Variants in EPB42 observed in about 807,000 individuals in gnomAD.
EPB42 encodes the protein protein 4.2.
Under a neutral mutation model 76.9 loss-of-function variants are expected in EPB42, and 49 were observed. The ratio of observed to expected loss-of-function variants is 0.64; its 90% CI spans 0.51 to 0.81. The LOEUF is 0.81. EPB42 is among the 30% of genes least tolerant of loss of function. The probability of loss-of-function intolerance (pLI) is 0.00; values close to 1 mark genes in which losing one functional copy is unlikely to be tolerated. For synonymous variants in EPB42, 310 were observed against 338.4 expected, an observed-to-expected ratio of 0.92 and a Z score of 0.92; for missense variants, 731 against 867.6, an observed-to-expected ratio of 0.84 and a Z score of 1.98.
chr15:43,220,107 G>A (rs1430998208), intron 1 of EPB42, among the ~76,000 whole-genome samples: 1 of 152,046 alleles, frequency 6.6e-6, no homozygotes, highest in Non-Finnish European at 1.5e-5. Context: ...GGGCAGGGGA[G>A]TGAGGCAGTT....
intron 4 of EPB42, 91 bp downstream of exon 4, chr15:43,211,325 G>A: frequency 1.1e-5 from 9 of 847,964 alleles, no homozygotes; most frequent in South Asian, 1.1e-4. Flanking sequence ...CATGACCAGG[G>A]GTTTTTGGAC....
intron 3 of EPB42, 75 bp downstream of exon 3, chr15:43,215,020 C>T (rs1280097459): frequency 1.5e-6 from 2 of 1,317,914 alleles, no homozygotes; most frequent in Middle Eastern, 2.5e-4. Flanking sequence ...TGCAGGTGCT[C>T]CCTGCCAGAG....
chr15:43,212,240 G>A lies in EPB42; in HGVS notation c.431-706C>T, dbSNP rs147626506. ...AAAAATTAGGTGGGTGTGGTGGCACGTGCTTGTAGTTCCAGCTACTTGGGA... is the reference window on the plus strand; with the variant it reads ...AAAAATTAGGTGGGTGTGGTGGCACATGCTTGTAGTTCCAGCTACTTGGGA... On this transcript the variant is annotated intron_variant, in intron 3 of 12. Transcript: ENST00000441366. Among the ~76,000 whole-genome samples, 244 of 152,014 alleles carry A rather than the reference G, an allele frequency of 1.6e-3. 3 individuals are homozygous for A. The East Asian group carries it at 0.034, about 21-fold the overall frequency.
In EPB42 at chr15:43,216,456, G is replaced by C; in HGVS notation, c.11-3C>G. 5 of 1,614,100 alleles carry C rather than the reference G, an allele frequency of 3.1e-6. No individual in the cohort carries two copies. The highest frequency in any genetic ancestry group is 4.2e-6 in the Non-Finnish European group (5 of 1,180,030). On this transcript the variant is annotated splice_region_variant and splice_polypyrimidine_tract_variant and intron_variant, in intron 1 of 12. Transcript: ENST00000441366. ...GTCACAGCTCTTGATACCCAGGGCT[G>C]TTGTGGGAAAGAGAGAAGTCACGGA... is the stretch of plus-strand genomic sequence containing the variant.
chr15:43,209,709 G>A, intron 5 of EPB42: 1 of 461,652 alleles, frequency 2.2e-6, no homozygotes, highest in Non-Finnish European at 3.8e-6. Flanking sequence ...CATTAGAGCT[G>A]CCCTTCCTTG....
At position 43,201,226 on chromosome 15, in the gene EPB42, G is replaced by A. The variant is rs532087713; in HGVS notation, c.1913+618C>T. Among the ~76,000 whole-genome samples, 14 of 152,338 alleles carry A rather than the reference G, an allele frequency of 9.2e-5. No homozygotes were observed. The East Asian group carries it at 2.7e-3, about 29-fold the overall frequency. On this transcript the variant is annotated intron_variant, in intron 12 of 12. Coordinates refer to ENST00000441366, the MANE Select transcript of EPB42 (RefSeq NM_001114134.2). ...TCTGGGTGCCCATCTCTGTGGAGTG[G>A]AGTGGTAGAAAGTGGTGGGTGTACA...
intron 6 of EPB42, 50 bp from the exon 7 acceptor site, chr15:43,208,825 G>A: frequency 6.3e-7 from 1 of 1,593,350 alleles, no homozygotes; most frequent in Non-Finnish European, 8.6e-7. Context: ...GACCGGGCTG[G>A]GGGCGTGTGG....
intron 5 of EPB42, 188 bp from the exon 6 acceptor site, chr15:43,209,639 G>A: frequency 1.6e-6 from 1 of 630,870 alleles, no homozygotes; most frequent in Non-Finnish European, 2.7e-6. Context: ...CATAGCTCTA[G>A]GGCTGGAGCC....
chr15:43,208,497 C>T (rs1242454814), intron 7 of EPB42, 140 bp downstream of exon 7: 2 of 1,454,020 alleles, frequency 1.4e-6, no homozygotes, highest in African/African-American at 1.4e-5. Context: ...CCATCACTGA[C>T]CATCAGCGCC....
At chr15:43,204,381 C>T (rs1276686841) in intron 10 of EPB42, among the ~76,000 whole-genome samples, 2 of 152,044 alleles carry the variant, frequency 1.3e-5, no homozygotes, top group Non-Finnish European at 2.9e-5. Flanking sequence ...ACTCACTGAC[C>T]TCTCCCCACT....
Position 43,207,415 on chromosome 15 carries a change from C to A in EPB42, c.1102G>T (p.Val368Phe), listed in dbSNP as rs1333626443. ...GVLGSCDLVP[V>F]RAVKEGTLGL... Reference sequence around the variant, plus strand: ...AGCGTCCCCTCCTTGACTGCTCTGACCGGCACCAGATCACAGGACCCCAGG... The same window carrying A: ...AGCGTCCCCTCCTTGACTGCTCTGAACGGCACCAGATCACAGGACCCCAGG... Residue 368 changes from valine to phenylalanine, a missense_variant, in exon 9 of 13, where the codon GTC becomes TTC. Transcript: ENST00000441366. 1.2e-6 allele frequency: 2 copies of A among 1,613,912 alleles called. No individual in the cohort carries two copies. Among genetic ancestry groups the A allele is most frequent in the East Asian group, 2.2e-5 (1 of 44,892 alleles).
Position 43,206,047 on chromosome 15 carries a change from T to A in EPB42, c.1618+283A>T, listed in dbSNP as rs1201726280. The stretch of plus-strand genomic sequence containing the variant: ...CTTATTCCAGCCTGGGGGGAGGTGC[T>A]CTCCTGCCACTGTACTCTGTTAAAC... On this transcript the variant is annotated intron_variant, in intron 10 of 12. Coordinates refer to ENST00000441366, the MANE Select transcript of EPB42 (RefSeq NM_001114134.2). This position sits in a 1 kb window ranked among gnomAD's most constrained non-coding sequence, Gnocchi z 4.7. The A allele has an allele frequency of 2.2e-5, 8 of 357,638 alleles. No individual in the cohort carries two copies. Among genetic ancestry groups the A allele is most frequent in the Non-Finnish European group, 4.1e-5 (8 of 196,798 alleles). The allele number at this position is 357,638 out of a possible 1,614,324, so 22.2% of individuals were successfully genotyped here. A position where few individuals can be genotyped will look rare whatever the true frequency, so the allele number is the denominator to read the frequency against.
intron 12 of EPB42, among the ~76,000 whole-genome samples, chr15:43,198,387 CTT>C (rs2042077507): frequency 6.6e-6 from 1 of 152,120 alleles, no homozygotes; most frequent in Non-Finnish European, 1.5e-5. Flanking sequence ...AAAGGTGACT[CTT>C]ATGTTTTAGC....
chr15:43,205,293 G>T (rs573847541), intron 10 of EPB42, among the ~76,000 whole-genome samples: 2 of 152,310 alleles, frequency 1.3e-5, no homozygotes, highest in South Asian at 4.1e-4. Flanking sequence ...CGGTTAGAAG[G>T]CTGTTGCAAT....
At position 43,206,110 on chromosome 15, in the gene EPB42, T is replaced by G; in HGVS notation, c.1618+220A>C. 3.6e-6 allele frequency: 2 copies of G among 551,642 alleles called. No individual in the cohort carries two copies. The highest frequency in any genetic ancestry group is 2.9e-5 in the East Asian group (1 of 34,746). The allele number at this position is 551,642 out of a possible 1,614,324, so 34.2% of individuals were successfully genotyped here. On this transcript the variant is annotated intron_variant, in intron 10 of 12. Transcript: ENST00000441366. This position sits in a 1 kb window ranked among gnomAD's most constrained non-coding sequence, Gnocchi z 4.7. The stretch of plus-strand genomic sequence containing the variant: ...TCTCACACTGCTACGAAGGGTCTGT[T>G]TACTTATCTGACTGCAGTTGGCATC...
At chr15:43,221,036 A>ATC (rs918976319), upstream of EPB42, 2 of 609,412 alleles carry the variant, frequency 3.3e-6, no homozygotes. Context: ...CTCTGCTGGT[A>ATC]TCTCCTGGAC....
upstream of EPB42, among the ~76,000 whole-genome samples, chr15:43,224,393 G>A (rs2042489522): frequency 6.6e-6 from 1 of 152,110 alleles, no homozygotes; most frequent in Non-Finnish European, 1.5e-5. Context: ...AGAACAAAGG[G>A]AAATTAAGTG....
chr15:43,197,595 A>G lies in EPB42; in HGVS notation c.1914-131T>C, dbSNP rs2042062323. On this transcript the variant is annotated intron_variant, in intron 12 of 12. Transcript: ENST00000441366. ...ATAAACATCTAAGTACCTTGCTATTAAAATGGAAGTGTTTATAAAGGAATA... is the reference window on the plus strand; with the variant it reads ...ATAAACATCTAAGTACCTTGCTATTGAAATGGAAGTGTTTATAAAGGAATA... The G allele has an allele frequency of 6.6e-6, 7 of 1,052,756 alleles. No homozygotes were observed. In the South Asian group the frequency reaches 1.0e-4, roughly 15 times the overall value. The allele number at this position is 1,052,756 out of a possible 1,614,324, so 65.2% of individuals were successfully genotyped here.
upstream of EPB42, among the ~76,000 whole-genome samples, chr15:43,223,991 A>T (rs893144817): frequency 6.6e-5 from 10 of 152,122 alleles, no homozygotes; most frequent in African/African-American, 1.2e-4. Flanking sequence ...AGAAATAAAT[A>T]AATTAATTAA....
Sources: gnomAD v4.1 joint callset for allele counts (sites outside exome capture counted in the v4.1 genomes callset) on GRCh38, gnomAD v4.1.1 for gene constraint, Gnocchi (gnomAD v3.1) non-coding constraint, MANE v1.5 for transcripts, NCBI Gene and HGNC (gene_info 2026-07-23, HGNC 2026-07-21) for gene names.